The following WDR70 variants were observed in gnomAD, a reference collection of about 807,000 sequenced individuals.
The protein encoded by WDR70 is WD repeat-containing protein 70.
Under a neutral mutation model 88.6 loss-of-function variants are expected in WDR70, and 53 were observed. The ratio of observed to expected loss-of-function variants is 0.60; its 90% CI spans 0.48 to 0.75. The LOEUF is 0.75. Ranked by LOEUF, WDR70 falls within the 30% of genes least tolerant of loss-of-function variation. The pLI is 0.00. For synonymous variants in WDR70, 280 were observed against 270.0 expected (o/e 1.04, Z -0.36); for missense variants, 610 against 823.2 (o/e 0.74, Z 3.17).
At chr5:37,470,842 G>C (rs1739305399) in intron 7 of WDR70, among the ~76,000 whole-genome samples, 1 of 151,900 alleles carries the variant, frequency 6.6e-6, no homozygotes, top group Non-Finnish European at 1.5e-5. Context: ...CTTGGTAGTG[G>C]AATTGCTAGG....
intron 9 of WDR70, among the ~76,000 whole-genome samples, chr5:37,556,879 G>T (rs1742307507): frequency 6.6e-6 from 1 of 152,148 alleles, no homozygotes; most frequent in Non-Finnish European, 1.5e-5. Context: ...TAAACATAGG[G>T]TTATGTAATA....
chr5:37,483,690 C>T (rs1739750190), intron 8 of WDR70, among the ~76,000 whole-genome samples: 2 of 151,172 alleles, frequency 1.3e-5, no homozygotes, highest in Non-Finnish European at 3.0e-5. Flanking sequence ...GGCAGAGGCG[C>T]CCCCCACCTC....
intron 17 of WDR70, among the ~76,000 whole-genome samples, chr5:37,745,361 G>T (rs1051535865): frequency 4.0e-5 from 6 of 150,778 alleles, no homozygotes; most frequent in Non-Finnish European, 1.5e-5. Flanking sequence ...CGAAGAAACT[G>T]CATCTAGTGT....
At position 37,709,463 on chromosome 5, in the gene WDR70, C is replaced by A. The variant is rs528531793; in HGVS notation, c.1416+6376C>A. Reference sequence around the variant, plus strand: ...CCAAGTGATAGGACAGTATACCTAACATAGGTGTGTGGAGCACTTGCTCAC... The same window carrying A: ...CCAAGTGATAGGACAGTATACCTAAAATAGGTGTGTGGAGCACTTGCTCAC... On this transcript the variant is annotated intron_variant, in intron 13 of 17. Coordinates refer to ENST00000265107, the MANE Select transcript of WDR70 (RefSeq NM_018034.4). 1.5e-4 allele frequency among the ~76,000 whole-genome samples: 23 copies of A among 152,244 alleles called. No individual in the cohort carries two copies. In the East Asian group the frequency reaches 4.2e-3, roughly 28 times the overall value.
At chr5:37,531,003 ATT>A (rs1317356681) in intron 9 of WDR70, among the ~76,000 whole-genome samples, 2,014 of 152,156 alleles carry the variant, frequency 0.013, 43 homozygotes, top group African/African-American at 0.046. Flanking sequence ...TGTCACTGTC[ATT>A]CAGTTCAAAG....
intron 13 of WDR70, among the ~76,000 whole-genome samples, chr5:37,713,262 G>A (rs189450498): frequency 2.0e-4 from 30 of 152,154 alleles, no homozygotes; most frequent in Non-Finnish European, 3.1e-4. Flanking sequence ...CAAAAGGAGG[G>A]CTTATCCAGT....
chr5:37,738,377 T>C (rs1748366619), intron 17 of WDR70, among the ~76,000 whole-genome samples: 1 of 152,206 alleles, frequency 6.6e-6, no homozygotes, highest in Non-Finnish European at 1.5e-5. Context: ...GAGCTCACTT[T>C]ATGCTTTTTG....
At chr5:37,437,860 T>C (rs541323443) in intron 5 of WDR70, 62 bp from the exon 6 acceptor site, 2 of 1,460,266 alleles carry the variant, frequency 1.4e-6, no homozygotes, top group African/African-American at 1.4e-5. Flanking sequence ...GTGAAATGTG[T>C]TGTGTAGTTC....
chr5:37,463,329 G>T (rs1739068760), intron 7 of WDR70, among the ~76,000 whole-genome samples: 1 of 151,444 alleles, frequency 6.6e-6, no homozygotes, highest in East Asian at 1.9e-4. Flanking sequence ...TCATCACGCA[G>T]CTAGTTAGCA....
chr5:37,714,113 T>C (rs1033872274), intron 13 of WDR70, among the ~76,000 whole-genome samples: 1 of 152,234 alleles, frequency 6.6e-6, no homozygotes, highest in Non-Finnish European at 1.5e-5. Flanking sequence ...TATAGTAAGA[T>C]AAATAATATT....
intron 10 of WDR70, among the ~76,000 whole-genome samples, chr5:37,665,838 A>G (rs1745824082): frequency 6.6e-6 from 1 of 152,148 alleles, no homozygotes; most frequent in East Asian, 1.9e-4. Context: ...ACTGACTTTG[A>G]TAAGGTCAGC....
At chr5:37,562,573 AG>A (rs1435824242) in intron 9 of WDR70, among the ~76,000 whole-genome samples, 1 of 152,160 alleles carries the variant, frequency 6.6e-6, no homozygotes, top group African/African-American at 2.4e-5. Flanking sequence ...TTTCCTAGGC[AG>A]AGGACCCTGC....
chr5:37,699,398 T>TACACACACACACACACACACACAC, intron 11 of WDR70, among the ~76,000 whole-genome samples: 1 of 74,138 alleles, frequency 1.3e-5, no homozygotes, highest in Middle Eastern at 9.4e-3. Context: ...TGTGTATATA[T>TACACACACACACACACACACACAC]ATATACACAC....
intron 9 of WDR70, among the ~76,000 whole-genome samples, chr5:37,530,836 C>A (rs1475938404): frequency 1.5e-5 from 2 of 130,396 alleles, no homozygotes; most frequent in Non-Finnish European, 3.2e-5. Context: ...TTCTTTTCTT[C>A]TGCTGGGTTT....
intron 5 of WDR70, among the ~76,000 whole-genome samples, chr5:37,409,949 T>C (rs1230306080): frequency 3.3e-5 from 5 of 152,198 alleles, no homozygotes; most frequent in Non-Finnish European, 7.3e-5. Flanking sequence ...AAATCTTTCA[T>C]CACAATAGGC....
intron 8 of WDR70, among the ~76,000 whole-genome samples, chr5:37,495,394 T>C (rs1740183623): frequency 6.6e-6 from 1 of 152,078 alleles, no homozygotes; most frequent in Admixed American, 6.5e-5. Context: ...TAACTTGTCA[T>C]TGGGGTAGCC....
intron 9 of WDR70, among the ~76,000 whole-genome samples, chr5:37,570,850 G>A (rs943044046): frequency 1.3e-5 from 2 of 152,110 alleles, no homozygotes; most frequent in Non-Finnish European, 2.9e-5. Flanking sequence ...CCTTCCAGAT[G>A]TTTCTCAAAT....
At chr5:37,645,117 A>G (rs918456578) in intron 10 of WDR70, among the ~76,000 whole-genome samples, 2 of 151,348 alleles carry the variant, frequency 1.3e-5, no homozygotes, top group Non-Finnish European at 3.0e-5. Flanking sequence ...TTATAGCTAT[A>G]AACGTTCCTC....
chr5:37,591,380 G>C (rs924165228), intron 9 of WDR70, among the ~76,000 whole-genome samples: 4 of 152,178 alleles, frequency 2.6e-5, no homozygotes, highest in African/African-American at 4.8e-5. Flanking sequence ...CATCACTGTA[G>C]AACTTAATGA....
Sources: allele counts gnomAD v4.1 joint callset (sites outside exome capture counted in the v4.1 genomes callset), GRCh38; gene constraint gnomAD v4.1.1; transcripts MANE v1.5; gene names NCBI Gene and HGNC (gene_info 2026-07-23, HGNC 2026-07-21).